IGDCC4: variants seen among roughly 807,000 people sequenced by gnomAD.
The protein encoded by IGDCC4 is immunoglobulin superfamily DCC subclass member 4, also known as likely ortholog of mouse neighbor of Punc E11.
Under a neutral mutation model 116.6 loss-of-function variants are expected in IGDCC4, and 72 were observed. The observed-to-expected ratio is 0.62, with a 90% CI of 0.51 to 0.75. IGDCC4 has a LOEUF of 0.75. IGDCC4 is among the 30% of genes least tolerant of loss of function. The probability of loss-of-function intolerance (pLI) is 0.00; values close to 1 mark genes in which losing one functional copy is unlikely to be tolerated. For synonymous variants in IGDCC4, 709 were observed against 719.9 expected, an observed-to-expected ratio of 0.98 and a Z score of 0.24; for missense variants, 1,501 against 1,662.4, an observed-to-expected ratio of 0.90 and a Z score of 1.69.
chr15:65,407,895 A>C (rs1034144295), intron 3 of IGDCC4, among the ~76,000 whole-genome samples: 6 of 151,620 alleles, frequency 4.0e-5, no homozygotes, highest in Admixed American at 1.3e-4. Context: ...CAGCCTCCCA[A>C]AGTGCTGGGA....
chr15:65,410,283 G>A lies in IGDCC4; in HGVS notation c.458C>T (p.Thr153Met), dbSNP rs762193582. ...GCGAGCTGTCCCGTTCTCCTCCACC[G>A]TCTGAGACTCCGGGTGCAGAGAGAA... ...ADFSLHPESQ[T>M]VEENGTARFE... Residue 153 changes from threonine to methionine, a missense_variant, in exon 3 of 20, where the codon ACG becomes ATG. Thr to Met is a moderately conservative substitution (Grantham distance 81). Coordinates refer to ENST00000352385, the MANE Select transcript of IGDCC4 (RefSeq NM_020962.3). The A allele has an allele frequency of 1.4e-5, 22 of 1,613,912 alleles. No homozygotes were observed. The highest frequency in any genetic ancestry group is 1.6e-4 in the Middle Eastern group (1 of 6,064).
intron 2 of IGDCC4, 114 bp downstream of exon 2, chr15:65,410,906 G>T: frequency 1.3e-6 from 1 of 771,282 alleles, no homozygotes; most frequent in Admixed American, 2.8e-5. Context: ...GGCAGGGAAA[G>T]GGGGAGTGGG....
Position 65,388,952 on chromosome 15 carries a change from G to A in IGDCC4, c.2563C>T (p.Arg855Ter). Residue 855 changes from arginine (R) to a stop codon, truncating the protein, a stop_gained, in exon 15 of 20, where the codon CGA becomes TGA. Coordinates refer to ENST00000352385, the MANE Select transcript of IGDCC4 (RefSeq NM_020962.3). LOFTEE classifies it high-confidence loss of function. ...GTGGACGGTGTCAGGGGGCTCAGTC[G>A]CAGGTCGGATGGGGGTGTGGAGGGC... ...DRPSTPPSDLRLSPLTPSTVR... is the reference protein window; with the variant it reads ...DRPSTPPSDL 3 of 1,608,340 alleles carry A rather than the reference G, an allele frequency of 1.9e-6. No individual in the cohort carries two copies. The highest frequency in any genetic ancestry group is 1.7e-4 in the Middle Eastern group (1 of 5,882).
At chr15:65,410,877 C>G (rs1458142517) in intron 2 of IGDCC4, 143 bp downstream of exon 2, 1 of 631,336 alleles carries the variant, frequency 1.6e-6, no homozygotes, top group Non-Finnish European at 2.7e-6. Context: ...CAGGAAGAGA[C>G]CTATTGAGCA....
chr15:65,386,991 G>A (rs1032696006), intron 16 of IGDCC4, among the ~76,000 whole-genome samples: 6 of 152,112 alleles, frequency 3.9e-5, no homozygotes, highest in African/African-American at 9.7e-5. Flanking sequence ...TGGACCCCAC[G>A]CTTGAGTTCA....
chr15:65,399,733 A>G (rs958087744), intron 5 of IGDCC4, among the ~76,000 whole-genome samples: 1 of 152,194 alleles, frequency 6.6e-6, no homozygotes, highest in African/African-American at 2.4e-5. Flanking sequence ...TGGTGGGTAC[A>G]TATTAATAGT....
At chr15:65,412,896 A>G (rs1348193305) in intron 1 of IGDCC4, among the ~76,000 whole-genome samples, 1 of 152,026 alleles carries the variant, frequency 6.6e-6, no homozygotes, top group Non-Finnish European at 1.5e-5. Flanking sequence ...GATCCTGTCT[A>G]AAATACATAC....
Position 65,382,699 on chromosome 15 carries a change from C to T in IGDCC4, c.*1310G>A, listed in dbSNP as rs1258099023. The T allele has an allele frequency of 2.6e-5, 4 of 152,250 alleles. No homozygotes were observed. Among genetic ancestry groups the T allele is most frequent in the Middle Eastern group, 3.4e-3 (1 of 294 alleles). 9.4% of individuals were successfully genotyped at this position (152,250 alleles called of 1,614,324 possible). Reference sequence around the variant, plus strand: ...GCTACCCCTTTTCCTGTGCAAAGACCTCCTTGCCAGCACCCCAGAGGGTGA... The same window carrying T: ...GCTACCCCTTTTCCTGTGCAAAGACTTCCTTGCCAGCACCCCAGAGGGTGA... On this transcript the variant is annotated 3_prime_UTR_variant, in exon 20 of 20. Transcript: ENST00000352385.
At chr15:65,418,190 G>A (rs1295820658) in intron 1 of IGDCC4, among the ~76,000 whole-genome samples, 2 of 152,306 alleles carry the variant, frequency 1.3e-5, no homozygotes, top group East Asian at 1.9e-4. Context: ...AGCACACTGC[G>A]TGGCACCCAG....
At chr15:65,414,334 C>A (rs564846778) in intron 1 of IGDCC4, among the ~76,000 whole-genome samples, 21 of 152,334 alleles carry the variant, frequency 1.4e-4, no homozygotes, top group African/African-American at 5.1e-4. Context: ...GCAGTACTCG[C>A]GGGCTCAGCA....
chr15:65,386,701 G>A (rs750695790), intron 16 of IGDCC4, 45 bp from the exon 17 acceptor site: 2 of 1,457,410 alleles, frequency 1.4e-6, no homozygotes, highest in African/African-American at 2.8e-5. Context: ...GACAGAGGAA[G>A]GGCACAGGGC....
intron 1 of IGDCC4, among the ~76,000 whole-genome samples, chr15:65,419,823 C>T (rs1326189691): frequency 6.6e-6 from 1 of 152,206 alleles, no homozygotes; most frequent in Non-Finnish European, 1.5e-5. Flanking sequence ...CGGCTTCTCG[C>T]CACCTGTTCA....
intron 5 of IGDCC4, among the ~76,000 whole-genome samples, chr15:65,400,004 C>G (rs1369657715): frequency 6.6e-6 from 1 of 152,188 alleles, no homozygotes; most frequent in Non-Finnish European, 1.5e-5. Context: ...GACTTGAAAG[C>G]TTGGGTCCCA....
intron 3 of IGDCC4, among the ~76,000 whole-genome samples, chr15:65,403,017 C>T (rs1205313283): frequency 1.3e-5 from 2 of 152,216 alleles, no homozygotes; most frequent in African/African-American, 4.8e-5. Context: ...CTGTCCAGGG[C>T]AAGTTGGTGA....
intron 1 of IGDCC4, among the ~76,000 whole-genome samples, chr15:65,417,299 A>C (rs901767528): frequency 1.3e-5 from 2 of 152,042 alleles, no homozygotes; most frequent in African/African-American, 4.8e-5. Flanking sequence ...CCTGGGACAC[A>C]AGGAAGGCCT....
intron 3 of IGDCC4, among the ~76,000 whole-genome samples, chr15:65,402,747 A>ATCCCAGCTACTCCG (rs1204483574): frequency 6.6e-6 from 1 of 152,110 alleles, no homozygotes; most frequent in Non-Finnish European, 1.5e-5. Flanking sequence ...CATGCCTGTA[A>ATCCCAGCTACTCCG]TCCCAGCTAC....
intron 1 of IGDCC4, among the ~76,000 whole-genome samples, chr15:65,418,317 T>C (rs1184739437): frequency 6.6e-6 from 1 of 151,974 alleles, no homozygotes; most frequent in Non-Finnish European, 1.5e-5. Context: ...TCTCTTGCTG[T>C]ATGGCTCATA....
chr15:65,396,224 C>T, intron 6 of IGDCC4, 61 bp from the exon 7 acceptor site: 3 of 1,377,828 alleles, frequency 2.2e-6, no homozygotes, highest in Non-Finnish European at 2.8e-6. Context: ...CTGCCCCCCC[C>T]CCAGTACCCC....
At chr15:65,395,349 G>T in intron 7 of IGDCC4, 91 bp from the exon 8 acceptor site, 1 of 1,315,286 alleles carries the variant, frequency 7.6e-7, no homozygotes, top group Non-Finnish European at 1.0e-6. Context: ...ATATTGTCCT[G>T]GTGTCTATTT....
Sources: allele counts gnomAD v4.1 joint callset (sites outside exome capture counted in the v4.1 genomes callset), GRCh38; gene constraint gnomAD v4.1.1; transcripts MANE v1.5; gene names NCBI Gene and HGNC (gene_info 2026-07-23, HGNC 2026-07-21).